INPP4B: variants seen among roughly 807,000 people sequenced by gnomAD.
The protein encoded by INPP4B is inositol polyphosphate 4-phosphatase type II.
A neutral mutation model predicts 122.5 loss-of-function variants in INPP4B; 55 were observed. The observed-to-expected ratio is 0.45, with a 90% CI of 0.36 to 0.56. INPP4B has a LOEUF of 0.56. INPP4B is among the 20% of genes least tolerant of loss of function. INPP4B has a pLI of 0.00. For synonymous variants in INPP4B, 403 were observed against 388.7 expected, an observed-to-expected ratio of 1.04 and a Z score of -0.43; for missense variants, 1,000 against 1,097.7, an observed-to-expected ratio of 0.91 and a Z score of 1.26.
chr4:142,719,923 A>G (rs940969118), intron 2 of INPP4B, among the ~76,000 whole-genome samples: 6 of 152,168 alleles, frequency 3.9e-5, no homozygotes, highest in Non-Finnish European at 2.9e-5. Context: ...ATACTACACA[A>G]TCTTCTGATG....
chr4:142,661,577 A>G (rs1465199294), intron 2 of INPP4B, among the ~76,000 whole-genome samples: 1 of 152,226 alleles, frequency 6.6e-6, no homozygotes, highest in Non-Finnish European at 1.5e-5. Context: ...TAATAGTTAA[A>G]CACTGTGGAC....
At chr4:142,037,971 A>T (rs1464279088) in intron 25 of INPP4B, among the ~76,000 whole-genome samples, 1 of 152,208 alleles carries the variant, frequency 6.6e-6, no homozygotes, top group Non-Finnish European at 1.5e-5. Context: ...CATAGTAACA[A>T]ATAGTAAAGA....
chr4:142,435,759 A>G (rs1810331135), intron 3 of INPP4B, among the ~76,000 whole-genome samples: 1 of 152,224 alleles, frequency 6.6e-6, no homozygotes, highest in Admixed American at 6.5e-5. Context: ...GCTTTTTCCA[A>G]GGAACTGTGC....
chr4:142,798,755 G>A lies in INPP4B; in HGVS notation c.-254+47454C>T, dbSNP rs542083490. Reference sequence around the variant, plus strand: ...GTAAGAAGTAGAGAAGTAGAGATAAGCCGAAAGTTGATAAATCAATTAGTA... The same window carrying A: ...GTAAGAAGTAGAGAAGTAGAGATAAACCGAAAGTTGATAAATCAATTAGTA... On this transcript the variant is annotated intron_variant, in intron 1 of 25. Coordinates refer to ENST00000262992, the MANE Select transcript of INPP4B (RefSeq NM_001101669.3). Among the ~76,000 whole-genome samples the A allele has an allele frequency of 2.6e-5, 4 of 151,876 alleles. No homozygotes were observed. The South Asian group carries it at 8.3e-4, about 31-fold the overall frequency.
At chr4:142,125,823 C>T (rs1192163538) in intron 18 of INPP4B, among the ~76,000 whole-genome samples, 2 of 151,970 alleles carry the variant, frequency 1.3e-5, no homozygotes, top group African/African-American at 2.4e-5. Context: ...TTTTAATCAC[C>T]GAATCACTAG....
chr4:142,708,423 C>T (rs772614955), intron 2 of INPP4B, among the ~76,000 whole-genome samples: 6 of 152,144 alleles, frequency 3.9e-5, no homozygotes, highest in Non-Finnish European at 8.8e-5. Flanking sequence ...TCAAGGCAGC[C>T]TCTCCCATCA....
chr4:142,460,090 C>T (rs1816392647), intron 3 of INPP4B, among the ~76,000 whole-genome samples: 1 of 152,058 alleles, frequency 6.6e-6, no homozygotes, highest in Non-Finnish European at 1.5e-5. Context: ...CTTGCTATAT[C>T]CAGATATGCT....
rs142412512 is a variant in INPP4B at position 142,145,995 on chromosome 4, T to C, written c.1565A>G (p.Asp522Gly). Residue 522 changes from aspartate to glycine, a missense_variant and splice_region_variant, in exon 18 of 26, where the codon GAC becomes GGC. Transcript: ENST00000262992. ...CTTCCCCACATTGGCCCACACCCTG[T>C]CCTGAAAAAAGCATGAGTATCACTA... The part of the protein sequence containing the change: ...HHSDYDEEEW[D>G]RVWANVGKSL... 5.6e-6 allele frequency: 9 copies of C among 1,608,542 alleles called. No homozygotes were observed. The African/African-American group carries it at 1.2e-4, about 22-fold the overall frequency.
intron 18 of INPP4B, among the ~76,000 whole-genome samples, chr4:142,131,785 G>A (rs1205332733): frequency 2.6e-5 from 4 of 152,082 alleles, no homozygotes; most frequent in Admixed American, 6.5e-5. Context: ...GAGAAACCCC[G>A]TCTCTACTGA....
chr4:142,337,367 T>TTAC (rs370066091), intron 7 of INPP4B, among the ~76,000 whole-genome samples: 71 of 152,136 alleles, frequency 4.7e-4, no homozygotes, highest in Non-Finnish European at 9.1e-4. Context: ...ATTACATCTA[T>TTAC]AACTGGGCTG....
intron 23 of INPP4B, among the ~76,000 whole-genome samples, 196 bp from the exon 24 acceptor site, chr4:142,086,452 C>G (rs997539090): frequency 2.0e-5 from 3 of 152,178 alleles, no homozygotes; most frequent in African/African-American, 7.2e-5. Flanking sequence ...TTCCCAGACT[C>G]AAGTGATCCT....
chr4:142,199,544 G>A (rs761662103), intron 14 of INPP4B, among the ~76,000 whole-genome samples: 6 of 152,062 alleles, frequency 3.9e-5, no homozygotes, highest in Non-Finnish European at 8.8e-5. Flanking sequence ...TTAAGAAGAT[G>A]TATTCAGGTT....
At chr4:142,370,765 C>T (rs967697288) in intron 7 of INPP4B, among the ~76,000 whole-genome samples, 7 of 151,846 alleles carry the variant, frequency 4.6e-5, no homozygotes, top group Non-Finnish European at 1.5e-5. Context: ...AATTGCAAAA[C>T]ATCAAAGAAA....
intron 2 of INPP4B, among the ~76,000 whole-genome samples, chr4:142,716,946 A>C (rs2150820093): frequency 6.6e-6 from 1 of 152,330 alleles, no homozygotes; most frequent in Admixed American, 6.5e-5. Flanking sequence ...GGTTAACATA[A>C]GTAAAACCTC....
intron 2 of INPP4B, among the ~76,000 whole-genome samples, chr4:142,488,653 T>C (rs983055995): frequency 6.6e-6 from 1 of 152,112 alleles, no homozygotes; most frequent in Non-Finnish European, 1.5e-5. Flanking sequence ...TCTAAAATTA[T>C]AGAATTTATT....
At chr4:142,322,775 CAGT>C (rs1305263580) in intron 7 of INPP4B, among the ~76,000 whole-genome samples, 2 of 152,130 alleles carry the variant, frequency 1.3e-5, no homozygotes, top group Non-Finnish European at 2.9e-5. Flanking sequence ...CTTGACAACA[CAGT>C]AGAATCGCCT....
chr4:142,642,672 C>A (rs1357015768), intron 2 of INPP4B, among the ~76,000 whole-genome samples: 1 of 152,032 alleles, frequency 6.6e-6, no homozygotes, highest in Admixed American at 6.6e-5. Context: ...TTACTGTAGC[C>A]TTGTAGTATA....
Position 142,108,125 on chromosome 4 carries a change from T to C in INPP4B, c.2342A>G (p.Tyr781Cys), listed in dbSNP as rs1214579598. The part of the protein sequence containing the change: ...QENFELLQEY[Y>C]KIFMEKMPPD... ...AGGCATCTTTTCCATAAATATCTTG[T>C]AATATTCTTGTAGAAGTTCGAAGTT... The change falls in exon 23 of 26, where the codon TAC (tyrosine) becomes TGC (cysteine). Residue 781 changes from tyrosine (Y) to cysteine (C), a missense_variant. Coordinates refer to ENST00000262992, the MANE Select transcript of INPP4B (RefSeq NM_001101669.3). 1.3e-6 allele frequency: 2 copies of C among 1,582,878 alleles called. No individual in the cohort carries two copies. The highest frequency in any genetic ancestry group is 2.2e-5 in the South Asian group (2 of 90,142).
At chr4:142,732,793 A>G (rs1766299944) in intron 1 of INPP4B, among the ~76,000 whole-genome samples, 1 of 152,168 alleles carries the variant, frequency 6.6e-6, no homozygotes, top group Admixed American at 6.5e-5. Context: ...ATCACAACCA[A>G]AATCCCAGTA....
Sources: allele counts gnomAD v4.1 joint callset (sites outside exome capture counted in the v4.1 genomes callset), GRCh38; gene constraint gnomAD v4.1.1; transcripts MANE v1.5; gene names NCBI Gene and HGNC (gene_info 2026-07-23, HGNC 2026-07-21).